The following NHSL3 variants were observed in gnomAD, a reference collection of about 807,000 sequenced individuals.
NHSL3 encodes the protein NHS like 3.
At chr1:32,771,656 A>G in the NHSL3 span, 1 of 1,611,700 alleles carries the variant, frequency 6.2e-7, no homozygotes, top group Non-Finnish European at 8.5e-7. Flanking sequence ...ACTGCTTTGC[A>G]GATTCAGCCC....
At chr1:32,745,930 AG>A in the NHSL3 span, among the ~76,000 whole-genome samples, 1 of 152,002 alleles carries the variant, frequency 6.6e-6, no homozygotes, top group East Asian at 1.9e-4. Context: ...CTCAGACATA[AG>A]AAAAAGTTAA....
chr1:32,752,734 C>T, the NHSL3 span, among the ~76,000 whole-genome samples: 1 of 151,612 alleles, frequency 6.6e-6, no homozygotes, highest in African/African-American at 2.4e-5. Flanking sequence ...TGAGCCACCA[C>T]GCCTGGCTAA....
At chr1:32,752,084 G>C in the NHSL3 span, among the ~76,000 whole-genome samples, 1 of 152,116 alleles carries the variant, frequency 6.6e-6, no homozygotes, top group Non-Finnish European at 1.5e-5. Context: ...TGATCTCCGA[G>C]GTCTTTTTCA....
the NHSL3 span, chr1:32,742,187 G>A: frequency 2.6e-5 from 32 of 1,247,892 alleles, no homozygotes; most frequent in Non-Finnish European, 3.2e-5. Context: ...GGCAAAGGCC[G>A]AGGTAAGGCG....
the NHSL3 span, chr1:32,772,311 T>C: frequency 6.7e-7 from 1 of 1,482,452 alleles, no homozygotes; most frequent in Non-Finnish European, 9.3e-7. Flanking sequence ...ACCCTCGAGC[T>C]GAGCCCCTTA....
chr1:32,763,636 A>C, the NHSL3 span, among the ~76,000 whole-genome samples: 5 of 151,936 alleles, frequency 3.3e-5, no homozygotes, highest in Admixed American at 2.0e-4. Flanking sequence ...CAGTAGCGGG[A>C]TCTCAGCTTA....
the NHSL3 span, among the ~76,000 whole-genome samples, chr1:32,752,654 T>C: frequency 6.6e-6 from 1 of 151,926 alleles, no homozygotes; most frequent in Non-Finnish European, 1.5e-5. Context: ...CTTGGCTCAC[T>C]GCAACCTCTG....
the NHSL3 span, among the ~76,000 whole-genome samples, chr1:32,759,358 G>A: frequency 6.6e-6 from 1 of 152,354 alleles, no homozygotes; most frequent in East Asian, 1.9e-4. Flanking sequence ...ATAAGATGGG[G>A]ATAATCATGC....
chr1:32,771,254 T>A, the NHSL3 span: 2 of 1,612,950 alleles, frequency 1.2e-6, no homozygotes, highest in African/African-American at 2.7e-5. Flanking sequence ...GCCCCTGCTG[T>A]GGTTCCTGGG....
chr1:32,765,802 G>C, the NHSL3 span: 1 of 1,546,576 alleles, frequency 6.5e-7, no homozygotes, highest in East Asian at 2.4e-5. Flanking sequence ...GCCTCCCGGC[G>C]CTCCTAGGGC....
the NHSL3 span, chr1:32,770,629 T>A: frequency 6.6e-7 from 1 of 1,516,982 alleles, no homozygotes; most frequent in Non-Finnish European, 8.8e-7. The surrounding 1 kb of genome is among the most constrained non-coding windows in gnomAD (Gnocchi z 8.3). Context: ...CAGTGGGCAG[T>A]TGTCTGGCCG....
chr1:32,756,470 A>C, the NHSL3 span, among the ~76,000 whole-genome samples: 467 of 50,386 alleles, frequency 9.3e-3, 1 homozygote, highest in Middle Eastern at 0.023. Context: ...ACATGACGAG[A>C]CCCCCCCCCC....
the NHSL3 span, chr1:32,770,639 G>A: frequency 7.9e-6 from 12 of 1,518,802 alleles, no homozygotes; most frequent in Non-Finnish European, 9.7e-6. This position sits in a 1 kb window ranked among gnomAD's most constrained non-coding sequence, Gnocchi z 8.3. Flanking sequence ...TTGTCTGGCC[G>A]GAGTGTGTCC....
At chr1:32,756,868 C>G in the NHSL3 span, among the ~76,000 whole-genome samples, 1 of 152,002 alleles carries the variant, frequency 6.6e-6, no homozygotes. Flanking sequence ...ACTTTTGAGG[C>G]TGAGGCAGGA....
chr1:32,774,774 T>G, the NHSL3 span: 1 of 152,486 alleles, frequency 6.6e-6, no homozygotes, highest in African/African-American at 2.4e-5. Context: ...TGACCTAGAG[T>G]AAATGGAGAG....
At chr1:32,752,898 CATG>C in the NHSL3 span, among the ~76,000 whole-genome samples, 1 of 108,644 alleles carries the variant, frequency 9.2e-6, no homozygotes. Flanking sequence ...AAAAAAAAAA[CATG>C]CACACACACA....
chr1:32,765,515 C>G, the NHSL3 span: 5 of 894,514 alleles, frequency 5.6e-6, no homozygotes, highest in Non-Finnish European at 8.2e-6. Flanking sequence ...CCACGGACTC[C>G]TGGCCTCAGT....
chr1:32,769,748 C>T, the NHSL3 span: 2 of 1,613,656 alleles, frequency 1.2e-6, no homozygotes, highest in Non-Finnish European at 1.7e-6. Flanking sequence ...CGGCGGAGCA[C>T]TGTGCTGGGA....
At chr1:32,770,060 G>T in the NHSL3 span, 9 of 1,567,152 alleles carry the variant, frequency 5.7e-6, no homozygotes, top group Non-Finnish European at 6.1e-6. This position sits in a 1 kb window ranked among gnomAD's most constrained non-coding sequence, Gnocchi z 8.3. Context: ...ATGCTGCAGC[G>T]CCACATTGAC....
Sources: allele counts gnomAD v4.1 joint callset (sites outside exome capture counted in the v4.1 genomes callset), GRCh38; gene constraint gnomAD v4.1.1; non-coding constraint Gnocchi (gnomAD v3.1); transcripts MANE v1.5; gene names NCBI Gene and HGNC (gene_info 2026-07-23, HGNC 2026-07-21).